The following MPRIP variants were observed in gnomAD, a reference collection of about 807,000 sequenced individuals.
MPRIP encodes the protein myosin phosphatase Rho interacting protein.
In MPRIP, 59 loss-of-function variants were observed where a neutral mutation model predicts 234.9. The observed-to-expected ratio is 0.25, with a 90% CI of 0.20 to 0.31. MPRIP has a LOEUF of 0.31. Among genes scored for constraint, MPRIP ranks in the 10% least tolerant of loss-of-function variants. The probability of loss-of-function intolerance (pLI) is 1.00; values close to 1 mark genes in which losing one functional copy is unlikely to be tolerated. For missense variants in MPRIP, 2,436 were observed against 3,071.0 expected (o/e 0.79, Z 4.89); for synonymous variants, 1,144 against 1,263.9 (o/e 0.91, Z 2.01).
chr17:17,151,993 TA>T (rs1359871320), intron 12 of MPRIP, among the ~76,000 whole-genome samples: 1 of 152,220 alleles, frequency 6.6e-6, no homozygotes, highest in African/African-American at 2.4e-5. Context: ...GTTGATCCAG[TA>T]TTTGGGGCTC....
At chr17:17,075,817 G>A in intron 2 of MPRIP, 30 bp downstream of exon 2, 1 of 1,607,808 alleles carries the variant, frequency 6.2e-7, no homozygotes, top group Non-Finnish European at 8.5e-7. Flanking sequence ...CTCTCAGGGA[G>A]GAACCAGAGA....
intron 8 of MPRIP, 90 bp downstream of exon 8, chr17:17,142,855 T>A (rs1363787772): frequency 7.0e-7 from 1 of 1,433,418 alleles, no homozygotes. Context: ...CACACAGGCC[T>A]GGGATGTGCT....
At chr17:17,072,890 A>T (rs1013236497) in intron 1 of MPRIP, among the ~76,000 whole-genome samples, 7 of 151,924 alleles carry the variant, frequency 4.6e-5, no homozygotes, top group African/African-American at 1.7e-4. Context: ...TCCCCCTGTT[A>T]TCTATGGGGT....
At chr17:17,073,364 G>A (rs2089247278) in intron 1 of MPRIP, among the ~76,000 whole-genome samples, 1 of 152,214 alleles carries the variant, frequency 6.6e-6, no homozygotes, top group Non-Finnish European at 1.5e-5. Context: ...CGGGGTTCCT[G>A]AGCAGAGGTT....
Position 17,164,542 on chromosome 17 carries a change from G to C in MPRIP, c.2951G>C (p.Arg984Pro). The C allele has an allele frequency of 8.3e-7, 1 of 1,208,872 alleles. No individual in the cohort carries two copies. Among genetic ancestry groups the C allele is most frequent in the African/African-American group, 1.6e-5 (1 of 62,742 alleles). 74.9% of individuals were successfully genotyped at this position (1,208,872 alleles called of 1,614,324 possible). The change falls in exon 16 of 24, where the codon CGG becomes CCG. Residue 984 changes from arginine to proline, a missense_variant. By Grantham distance (103) the Arg-to-Pro change is moderately radical (BLOSUM62 -2). Around this residue, in one of 4 missense-constraint regions of MPRIP, gnomAD observed 1,998 missense variants for 2,520.3 expected, o/e 0.79. Coordinates refer to ENST00000651222, the MANE Select transcript of MPRIP (RefSeq NM_001364716.4). ...CTGGAGACACAGCAGGCGCTGCAGC[G>C]GGACCGGCAGAAGGAGGTCCAGAGG... ...RGLETQQALQ[R>P]DRQKEVQRLQ...
At chr17:17,064,385 G>A (rs1022465967) in intron 1 of MPRIP, among the ~76,000 whole-genome samples, 6 of 151,888 alleles carry the variant, frequency 4.0e-5, no homozygotes, top group Admixed American at 6.6e-5. Flanking sequence ...AACTACTTAC[G>A]TTGAGATAAT....
chr17:17,170,041 AAG>A (rs2046096782), intron 16 of MPRIP: 1 of 152,156 alleles, frequency 6.6e-6, no homozygotes, highest in African/African-American at 2.4e-5. Context: ...AGTAGACTCA[AAG>A]AAAAAAAAAA....
chr17:17,131,571 G>C (rs375216803), intron 4 of MPRIP, 46 bp from the exon 5 acceptor site: 6 of 1,542,610 alleles, frequency 3.9e-6, no homozygotes, highest in Non-Finnish European at 5.4e-6. Context: ...CCTAGTCCCC[G>C]AGTGCCAGGG....
intron 3 of MPRIP, among the ~76,000 whole-genome samples, chr17:17,083,741 TTTTG>T (rs199740177): frequency 2.5e-4 from 38 of 151,928 alleles, no homozygotes; most frequent in African/African-American, 4.4e-4. Flanking sequence ...TTGTTTTTGT[TTTTG>T]TTTGTTTGTT....
chr17:17,119,337 G>A (rs1190266547), intron 3 of MPRIP, among the ~76,000 whole-genome samples: 1 of 152,250 alleles, frequency 6.6e-6, no homozygotes, highest in African/African-American at 2.4e-5. Context: ...CAGGGGCCGT[G>A]CTGGGCAAGT....
chr17:17,075,774 T>C lies in MPRIP; in HGVS notation c.188T>C (p.Val63Ala). The C allele has an allele frequency of 6.2e-7, 1 of 1,614,054 alleles. No individual in the cohort carries two copies. The highest frequency in any genetic ancestry group is 8.5e-7 in the Non-Finnish European group (1 of 1,180,008). ...APDGTDFDNP[V>A]HRSRKWQRRF... ...GATGGGACCGACTTTGACAACCCAG[T>C]GCACCGGTCTCGGGTAAGGGCATCA... The change falls in exon 2 of 24, where the codon GTG becomes GCG. Residue 63 changes from valine to alanine, a missense_variant. Physicochemically the swap from Val to Ala is moderately conservative, Grantham distance 64. This residue lies in a region of MPRIP where 140 missense variants were observed against 207.3 expected (regional missense o/e 0.68). Transcript: ENST00000651222.
chr17:17,080,051 A>C (rs2089427336), intron 3 of MPRIP, among the ~76,000 whole-genome samples: 1 of 152,188 alleles, frequency 6.6e-6, no homozygotes, highest in Admixed American at 6.5e-5. Context: ...GAGAGAGGGC[A>C]TGGGGGCAGG....
At chr17:17,183,801 G>A (rs533229125) in intron 23 of MPRIP, among the ~76,000 whole-genome samples, 2 of 152,318 alleles carry the variant, frequency 1.3e-5, no homozygotes, top group Admixed American at 1.3e-4. Flanking sequence ...AGTAGATGGG[G>A]TACAGCCTGC....
In MPRIP at chr17:17,060,801, C is replaced by T. The variant is rs145713740; in HGVS notation, c.124-14909C>T. 2.6e-5 allele frequency among the ~76,000 whole-genome samples: 4 copies of T among 152,314 alleles called. No individual in the cohort carries two copies. The East Asian group carries it at 7.7e-4, about 29-fold the overall frequency. Reference sequence around the variant, plus strand: ...TGTAGCTCCATCTTTAGTATCTGCACAGTGGCTGGCTGTTTGTGGAAGCCT... The same window carrying T: ...TGTAGCTCCATCTTTAGTATCTGCATAGTGGCTGGCTGTTTGTGGAAGCCT... On this transcript the variant is annotated intron_variant, in intron 1 of 23. Coordinates refer to ENST00000651222, the MANE Select transcript of MPRIP (RefSeq NM_001364716.4).
intron 1 of MPRIP, among the ~76,000 whole-genome samples, chr17:17,061,801 T>C (rs570909985): frequency 2.6e-5 from 4 of 152,146 alleles, no homozygotes; most frequent in Non-Finnish European, 5.9e-5. Context: ...CAGCAGCCCT[T>C]GGACTGACCG....
At chr17:17,103,946 G>A (rs1037238898) in intron 3 of MPRIP, among the ~76,000 whole-genome samples, 1 of 152,154 alleles carries the variant, frequency 6.6e-6, no homozygotes, top group African/African-American at 2.4e-5. Context: ...GTTTTCTCGG[G>A]AACAGTCATC....
At position 17,165,403 on chromosome 17, in the gene MPRIP, G is replaced by A. The variant is rs2045962451; in HGVS notation, c.3812G>A (p.Gly1271Glu). The A allele has an allele frequency of 3.8e-6, 5 of 1,304,174 alleles. No individual in the cohort carries two copies. The African/African-American group carries it at 4.5e-5, about 12-fold the overall frequency. 80.8% of individuals were successfully genotyped at this position (1,304,174 alleles called of 1,614,324 possible). A position where few individuals can be genotyped will look rare whatever the true frequency, so the allele number is the denominator to read the frequency against. ...CTCGAGGATGAGGACGAGGACCTGG[G>A]GGCTCCTCCGGGGGAAGAGTACGGT... is the stretch of plus-strand genomic sequence containing the variant. ...TRLEDEDEDL[G>E]APPGEEYGDG... is the part of the protein sequence containing the mutation. Residue 1271 changes from glycine (G) to glutamate (E), a missense_variant, in exon 16 of 24, where the codon GGG becomes GAG. Coordinates refer to ENST00000651222, the MANE Select transcript of MPRIP (RefSeq NM_001364716.4).
At chr17:17,151,157 C>T (rs1163427224) in intron 12 of MPRIP, among the ~76,000 whole-genome samples, 4 of 152,102 alleles carry the variant, frequency 2.6e-5, no homozygotes, top group Non-Finnish European at 5.9e-5. Flanking sequence ...AGGCATGAAT[C>T]ACTGTGCCCA....
intron 4 of MPRIP, among the ~76,000 whole-genome samples, chr17:17,130,419 G>A (rs973449175): frequency 1.6e-5 from 2 of 126,476 alleles, no homozygotes; most frequent in Admixed American, 9.0e-5. Flanking sequence ...TCCTCTCTTC[G>A]CTCCTCTATC....
Sources: allele counts gnomAD v4.1 joint callset (sites outside exome capture counted in the v4.1 genomes callset), GRCh38; gene constraint gnomAD v4.1.1; regional missense constraint gnomAD v4.1.1; transcripts MANE v1.5; gene names NCBI Gene and HGNC (gene_info 2026-07-23, HGNC 2026-07-21).